PTK2B: variants seen among roughly 807,000 people sequenced by gnomAD.
The protein encoded by PTK2B is protein tyrosine kinase 2 beta, also known as protein-tyrosine kinase 2-beta.
In PTK2B, 71 loss-of-function variants were observed where a neutral mutation model predicts 142.9. That is an observed-to-expected ratio of 0.50 (90% CI 0.41 to 0.61). The LOEUF is 0.61. Among genes scored for constraint, PTK2B ranks in the 20% least tolerant of loss-of-function variants. The pLI is 0.00. For synonymous variants in PTK2B, 519 were observed against 503.4 expected (o/e 1.03, Z -0.42); for missense variants, 1,105 against 1,320.4 (o/e 0.84, Z 2.53).
chr8:27,407,363 C>T (rs890309009), intron 2 of PTK2B, among the ~76,000 whole-genome samples: 1 of 152,278 alleles, frequency 6.6e-6, no homozygotes, highest in East Asian at 1.9e-4. Context: ...TAAAACCCTT[C>T]ATGATTCTCT....
At chr8:27,328,050 G>A (rs11996934) in intron 1 of PTK2B, among the ~76,000 whole-genome samples, 2,030 of 152,268 alleles carry the variant, frequency 0.013, 50 homozygotes, top group African/African-American at 0.046. Context: ...AGAACTCGTG[G>A]GGTTAGCCCT....
chr8:27,350,991 ATATATATATATATAT>A (rs562160445), intron 1 of PTK2B, among the ~76,000 whole-genome samples: 5,914 of 23,058 alleles, frequency 0.26, 2,236 homozygotes, highest in Non-Finnish European at 0.33. Flanking sequence ...AAAAAAAAAA[ATATATATATATATAT>A]ATATATATAT....
intron 1 of PTK2B, among the ~76,000 whole-genome samples, chr8:27,384,763 C>A (rs1807238971): frequency 6.6e-6 from 1 of 152,154 alleles, no homozygotes; most frequent in South Asian, 2.1e-4. Flanking sequence ...TGCACTAGGT[C>A]AGGTTAAGGC....
chr8:27,420,564 A>T, intron 3 of PTK2B, 93 bp from the exon 4 acceptor site: 1 of 1,213,564 alleles, frequency 8.2e-7, no homozygotes, highest in Non-Finnish European at 1.2e-6. Context: ...CCTTTGCACT[A>T]GGGGATGGGC....
At chr8:27,420,398 C>T (rs1296360864) in intron 3 of PTK2B, among the ~76,000 whole-genome samples, 4 of 152,204 alleles carry the variant, frequency 2.6e-5, no homozygotes, top group South Asian at 2.1e-4. Context: ...CTAAGAGAAA[C>T]AGCTGCCATG....
intron 9 of PTK2B, 145 bp downstream of exon 9, chr8:27,431,617 C>A: frequency 9.8e-7 from 1 of 1,022,358 alleles, no homozygotes; most frequent in Non-Finnish European, 1.4e-6. Context: ...CTGGCGTGAG[C>A]AGCAGTGGAG....
intron 1 of PTK2B, among the ~76,000 whole-genome samples, chr8:27,364,067 C>T (rs1466338289): frequency 6.6e-6 from 1 of 152,178 alleles, no homozygotes; most frequent in African/African-American, 2.4e-5. Context: ...CTCACAACAG[C>T]GCTGAAACAG....
chr8:27,387,815 G>A, intron 1 of PTK2B, among the ~76,000 whole-genome samples: 1 of 131,302 alleles, frequency 7.6e-6, no homozygotes, highest in East Asian at 2.1e-4. Flanking sequence ...GACTGGGGAA[G>A]GCTTTTTTTT....
At chr8:27,434,598 C>T in intron 13 of PTK2B, 39 bp downstream of exon 13, 1 of 1,580,838 alleles carries the variant, frequency 6.3e-7, no homozygotes, top group Non-Finnish European at 8.6e-7. Context: ...CTCCAGTTGC[C>T]TCCCGTCTGC....
intron 5 of PTK2B, among the ~76,000 whole-genome samples, chr8:27,426,088 A>G (rs1445913500): frequency 6.6e-6 from 1 of 152,190 alleles, no homozygotes; most frequent in Non-Finnish European, 1.5e-5. Context: ...AACAACAACT[A>G]CAACAAAACA....
At chr8:27,320,054 A>C (rs1803177760) in intron 3 of PTK2B, among the ~76,000 whole-genome samples, 1 of 152,110 alleles carries the variant, frequency 6.6e-6, no homozygotes, top group South Asian at 2.1e-4. Flanking sequence ...AGGAGTGCGC[A>C]TTGGGGTGGA....
Position 27,347,344 on chromosome 8 carries a change from C to T in PTK2B, c.-38+21663C>T, listed in dbSNP as rs142213229. ...GCAGTGAGCCGAGATCCACCCACCT[C>T]GGCCTCCCAAAATGTTGGGATTACA... On this transcript the variant is annotated intron_variant, in intron 1 of 30. Coordinates refer to ENST00000346049, the MANE Select transcript of PTK2B (RefSeq NM_173176.3). Among the ~76,000 whole-genome samples, 191 of 152,264 alleles carry T rather than the reference C, an allele frequency of 1.3e-3. 2 individuals carry two copies. The highest frequency in any genetic ancestry group is 4.1e-3 in the African/African-American group (171 of 41,546).
chr8:27,317,580 TC>T (rs1359948317), intron 3 of PTK2B, among the ~76,000 whole-genome samples: 1 of 152,340 alleles, frequency 6.6e-6, no homozygotes, highest in Admixed American at 6.5e-5. Context: ...TTTCTTAACT[TC>T]CTTTGCAGAT....
chr8:27,414,419 G>A (rs1809257101), intron 2 of PTK2B, among the ~76,000 whole-genome samples: 1 of 152,012 alleles, frequency 6.6e-6, no homozygotes, highest in Non-Finnish European at 1.5e-5. Flanking sequence ...TAATTTTTTT[G>A]TATTTTTTAG....
chr8:27,414,590 T>TTC (rs557915838), intron 2 of PTK2B, among the ~76,000 whole-genome samples: 4,452 of 87,542 alleles, frequency 0.051, 206 homozygotes, highest in African/African-American at 0.14. Context: ...GAAGCTCAGT[T>TTC]TCTCTCTCTC....
At chr8:27,442,704 C>T (rs897558046) in intron 21 of PTK2B, among the ~76,000 whole-genome samples, 171 bp from the exon 22 acceptor site, 3 of 152,172 alleles carry the variant, frequency 2.0e-5, no homozygotes, top group African/African-American at 7.2e-5. Flanking sequence ...CATATCCAAG[C>T]CTGTCTCAGG....
chr8:27,407,473 T>C (rs1808792411), intron 2 of PTK2B, among the ~76,000 whole-genome samples: 1 of 152,190 alleles, frequency 6.6e-6, no homozygotes, highest in South Asian at 2.1e-4. Flanking sequence ...CCTATGAGGC[T>C]CCTTGACTGC....
intron 1 of PTK2B, among the ~76,000 whole-genome samples, chr8:27,383,843 A>G (rs1209782299): frequency 1.1e-5 from 1 of 91,268 alleles, no homozygotes; most frequent in Non-Finnish European, 2.6e-5. Context: ...GCACCACCAC[A>G]CCTGGCTAAT....
At chr8:27,390,918 T>C (rs11987089) in intron 1 of PTK2B, among the ~76,000 whole-genome samples, 129,410 of 152,034 alleles carry the variant, frequency 0.85, 55,665 homozygotes, top group Middle Eastern at 0.96. Flanking sequence ...TGCCATGTTG[T>C]CACACTCACG....
Sources: gnomAD v4.1 joint callset for allele counts (sites outside exome capture counted in the v4.1 genomes callset) on GRCh38, gnomAD v4.1.1 for gene constraint, MANE v1.5 for transcripts, NCBI Gene and HGNC (gene_info 2026-07-23, HGNC 2026-07-21) for gene names.